The following MAP3K13 variants were observed in gnomAD, a reference collection of about 807,000 sequenced individuals.
MAP3K13 encodes the protein leucine zipper-bearing kinase.
In MAP3K13, 52 loss-of-function variants were observed where a neutral mutation model predicts 104.0. That is an observed-to-expected ratio of 0.50 (90% CI 0.40 to 0.63). The LOEUF (loss-of-function observed/expected upper bound fraction) is 0.63. MAP3K13 is among the 20% of genes least tolerant of loss of function. The probability of loss-of-function intolerance (pLI) is 0.00; values close to 1 mark genes in which losing one functional copy is unlikely to be tolerated. For synonymous variants in MAP3K13, 394 were observed against 442.2 expected, an observed-to-expected ratio of 0.89 and a Z score of 1.37; for missense variants, 914 against 1,218.5, an observed-to-expected ratio of 0.75 and a Z score of 3.72.
chr3:185,380,438 G>A (rs532624150), intron 1 of MAP3K13, among the ~76,000 whole-genome samples: 39 of 150,646 alleles, frequency 2.6e-4, no homozygotes, highest in African/African-American at 9.0e-4. Context: ...TTGAACCCGG[G>A]AGGCAGAGGT....
At position 185,482,767 on chromosome 3, in the gene MAP3K13, CAA is replaced by C; in HGVS notation, c.*313_*314del. 4 of 277,166 alleles carry C rather than the reference CAA, an allele frequency of 1.4e-5. No homozygotes were observed. The Middle Eastern group carries it at 3.0e-3, about 207-fold the overall frequency. 17.2% of individuals were successfully genotyped at this position (277,166 alleles called of 1,614,324 possible). A position where few individuals can be genotyped will look rare whatever the true frequency, so the allele number is the denominator to read the frequency against. The stretch of plus-strand genomic sequence containing the variant: ...TTTGACATTTTAACACTTTGTACTG[CAA>C]AGAGTGAACTATATATGAGATAGAG... On this transcript the variant is annotated 3_prime_UTR_variant, in exon 14 of 14. Coordinates refer to ENST00000265026, the MANE Select transcript of MAP3K13 (RefSeq NM_004721.5). This position sits in a 1 kb window ranked among gnomAD's most constrained non-coding sequence, Gnocchi z 4.5.
intron 10 of MAP3K13, among the ~76,000 whole-genome samples, chr3:185,467,541 T>C (rs1717517878): frequency 6.6e-6 from 1 of 152,060 alleles, no homozygotes; most frequent in Non-Finnish European, 1.5e-5. Context: ...TCCCAGCACT[T>C]TGGGAGGCCG....
At chr3:185,343,247 G>T (rs182706783) in intron 2 of MAP3K13, among the ~76,000 whole-genome samples, 127 of 152,270 alleles carry the variant, frequency 8.3e-4, no homozygotes, top group African/African-American at 3.0e-3. Context: ...TCACACAAGG[G>T]TGTGAACACG....
chr3:185,379,158 G>A (rs7427542), intron 1 of MAP3K13, among the ~76,000 whole-genome samples: 10,272 of 152,174 alleles, frequency 0.068, 495 homozygotes, highest in East Asian at 0.18. Context: ...AGGGAATGTG[G>A]GTGAATGACC....
chr3:185,354,657 A>G (rs1371317489), intron 2 of MAP3K13, among the ~76,000 whole-genome samples: 1 of 151,564 alleles, frequency 6.6e-6, no homozygotes, highest in African/African-American at 2.4e-5. Flanking sequence ...GGATGGTCCC[A>G]TTCAAGGAAG....
intron 2 of MAP3K13, among the ~76,000 whole-genome samples, chr3:185,316,188 C>A (rs1215922493): frequency 6.6e-6 from 1 of 152,094 alleles, no homozygotes; most frequent in African/African-American, 2.4e-5. Flanking sequence ...ATTCCACTCC[C>A]CACCTCCTGG....
chr3:185,368,034 G>A (rs886338434), intron 1 of MAP3K13, among the ~76,000 whole-genome samples: 1 of 152,206 alleles, frequency 6.6e-6, no homozygotes, highest in Non-Finnish European at 1.5e-5. Flanking sequence ...GCACACGCCT[G>A]TAGTCCCAGT....
At chr3:185,416,241 C>A (rs1331869138) in intron 1 of MAP3K13, among the ~76,000 whole-genome samples, 2 of 152,114 alleles carry the variant, frequency 1.3e-5, no homozygotes, top group African/African-American at 4.8e-5. Flanking sequence ...TTATCACTTT[C>A]CTAAGGAAAA....
intron 10 of MAP3K13, among the ~76,000 whole-genome samples, chr3:185,471,528 C>T (rs1229084246): frequency 7.2e-6 from 1 of 139,266 alleles, no homozygotes; most frequent in Non-Finnish European, 1.5e-5. Flanking sequence ...GGCACGATCT[C>T]AGCTCACTGC....
At chr3:185,460,800 A>G (rs1196319826) in intron 7 of MAP3K13, among the ~76,000 whole-genome samples, 1 of 152,218 alleles carries the variant, frequency 6.6e-6, no homozygotes, top group Non-Finnish European at 1.5e-5. Flanking sequence ...TACAGATTTC[A>G]ATCTTCAGAA....
At chr3:185,465,512 C>T (rs1717359449) in intron 8 of MAP3K13, among the ~76,000 whole-genome samples, 1 of 152,114 alleles carries the variant, frequency 6.6e-6, no homozygotes, top group African/African-American at 2.4e-5. Context: ...ATCTGTGGCC[C>T]TCTTGGCTAT....
At chr3:185,387,974 T>C (rs751284726) in intron 1 of MAP3K13, among the ~76,000 whole-genome samples, 1 of 152,112 alleles carries the variant, frequency 6.6e-6, no homozygotes, top group Non-Finnish European at 1.5e-5. Context: ...AGTTGCAGGA[T>C]ACGAAAATCA....
In MAP3K13 at chr3:185,443,648, G is replaced by A. The variant is rs1715445731; in HGVS notation, c.851+12G>A. 3 of 1,604,566 alleles carry A rather than the reference G, an allele frequency of 1.9e-6. No homozygotes were observed. Among genetic ancestry groups the A allele is most frequent in the African/African-American group, 1.3e-5 (1 of 74,806 alleles). ...CTCAAATCACCTAAGTGAGTTCTGG[G>A]GCTAATGTTTCAGCTATTTTGGTTT... On this transcript the variant is annotated intron_variant, in intron 4 of 13. Transcript: ENST00000265026.
Position 185,480,414 on chromosome 3 carries a change from T to A in MAP3K13, c.2684T>A (p.Ile895Asn), listed in dbSNP as rs1197675714. The change falls in exon 13 of 14, where the codon ATT (isoleucine) becomes AAT (asparagine). Residue 895 changes from isoleucine (I) to asparagine (N), a missense_variant. Ile to Asn is a moderately radical substitution (Grantham distance 149). This residue lies in a region of MAP3K13 where 583 missense variants were observed against 737.4 expected (regional missense o/e 0.79). Coordinates refer to ENST00000265026, the MANE Select transcript of MAP3K13 (RefSeq NM_004721.5). ...GACCTGCTGTCCCAGACGCCAGAGA[T>A]TCCCATTGACATATCCTCACACTCG... Reference protein sequence around the residue: ...LDDLLSQTPEIPIDISSHSDG... With the variant: ...LDDLLSQTPENPIDISSHSDG... The A allele has an allele frequency of 3.1e-6, 5 of 1,614,158 alleles. No individual in the cohort carries two copies. The highest frequency in any genetic ancestry group is 4.2e-6 in the Non-Finnish European group (5 of 1,180,028).
rs1718701521 is a variant in MAP3K13 at position 185,486,040 on chromosome 3, C to A, written c.*3584C>A. ...TCCTTGGAACAGAGATGCTACAACT[C>A]TATGTCTTCTTTCTATCCAACATAA... On this transcript the variant is annotated 3_prime_UTR_variant, in exon 14 of 14. Coordinates refer to ENST00000265026, the MANE Select transcript of MAP3K13 (RefSeq NM_004721.5). 1 of 152,210 alleles carries A rather than the reference C, an allele frequency of 6.6e-6. No individual in the cohort carries two copies. Among genetic ancestry groups the A allele is most frequent in the Admixed American group, 6.5e-5 (1 of 15,278 alleles). The allele number at this position is 152,210 out of a possible 1,614,324, so 9.4% of individuals were successfully genotyped here.
In MAP3K13 at chr3:185,454,332, TATG is replaced by T. The variant is rs1322982104; in HGVS notation, c.1278+2940_1278+2942del. On this transcript the variant is annotated intron_variant, in intron 7 of 13. Transcript: ENST00000265026. ...ATATATGAGATATATATGAGATATA[TATG>T]ATATATATGAGATATATGAGATATA... Among the ~76,000 whole-genome samples, 6 of 88,826 alleles carry T rather than the reference TATG, an allele frequency of 6.8e-5. 2 individuals are homozygous for T. The highest frequency in any genetic ancestry group is 1.3e-4 in the Non-Finnish European group (6 of 46,610). 58.3% of individuals were successfully genotyped at this position (88,826 alleles called of 152,430 possible).
chr3:185,403,036 T>C (rs1430708271), intron 1 of MAP3K13, among the ~76,000 whole-genome samples: 1 of 152,168 alleles, frequency 6.6e-6, no homozygotes, highest in Non-Finnish European at 1.5e-5. Context: ...GTATATAGTC[T>C]TCCCAAATCA....
At chr3:185,297,873 A>ACTCT (rs370793853) in intron 2 of MAP3K13, among the ~76,000 whole-genome samples, 2 of 147,318 alleles carry the variant, frequency 1.4e-5, no homozygotes, top group South Asian at 2.1e-4. Context: ...AATAAGAGCT[A>ACTCT]CTCTCTCTCT....
chr3:185,338,380 TTA>T (rs1468950884), intron 2 of MAP3K13, among the ~76,000 whole-genome samples: 4 of 151,044 alleles, frequency 2.6e-5, no homozygotes, highest in Non-Finnish European at 5.9e-5. Flanking sequence ...TATGGGTGTT[TTA>T]AGAAACTGTA....
Sources: gnomAD v4.1 joint callset for allele counts (sites outside exome capture counted in the v4.1 genomes callset) on GRCh38, gnomAD v4.1.1 for gene constraint, gnomAD v4.1.1 regional missense constraint, Gnocchi (gnomAD v3.1) non-coding constraint, MANE v1.5 for transcripts, NCBI Gene and HGNC (gene_info 2026-07-23, HGNC 2026-07-21) for gene names.